Variants in RNF212B observed in about 807,000 individuals in gnomAD.
RNF212B encodes the protein E3 ubiquitin-protein ligase RNF212B.
Under a neutral mutation model 55.5 loss-of-function variants are expected in RNF212B, and 52 were observed. The observed-to-expected ratio is 0.94, with a 90% CI of 0.75 to 1.18. The LOEUF is 1.18. Ranked by LOEUF, RNF212B falls within the 50% of genes most tolerant of loss-of-function variation. RNF212B has a pLI of 0.00. For synonymous variants in RNF212B, 99 were observed against 121.4 expected (o/e 0.82, Z 1.21); for missense variants, 289 against 350.4 (o/e 0.82, Z 1.40).
chr14:23,253,528 G>A (rs928513221), intron 4 of RNF212B, among the ~76,000 whole-genome samples: 2 of 151,998 alleles, frequency 1.3e-5, no homozygotes, highest in African/African-American at 4.8e-5. Context: ...ATTGGTTTGG[G>A]GGCGGGGAAA....
intron 2 of RNF212B, among the ~76,000 whole-genome samples, chr14:23,210,548 C>A (rs1309615685): frequency 6.6e-6 from 1 of 151,816 alleles, no homozygotes; most frequent in African/African-American, 2.4e-5. Flanking sequence ...GAGGCTGAGG[C>A]GGGTGGATCA....
upstream of RNF212B, among the ~76,000 whole-genome samples, chr14:23,236,297 T>C (rs1883084665): frequency 6.6e-6 from 1 of 152,170 alleles, no homozygotes; most frequent in African/African-American, 2.4e-5. Context: ...AGGTGGATCA[T>C]GATGTCAGGA....
chr14:23,240,318 C>G, intron 1 of RNF212B, 27 bp from the exon 2 acceptor site: 1 of 1,431,126 alleles, frequency 7.0e-7, no homozygotes, highest in Non-Finnish European at 9.6e-7. Context: ...CTAGGTTATT[C>G]TTACTCTTTC....
chr14:23,191,052 C>T (rs1594853445), intron 1 of RNF212B, among the ~76,000 whole-genome samples: 1 of 152,260 alleles, frequency 6.6e-6, no homozygotes, highest in East Asian at 1.9e-4. Context: ...CTCTGACCAC[C>T]CAATAGAAAG....
At chr14:23,263,007 A>G in intron 9 of RNF212B, 37 bp downstream of exon 9, 1 of 1,529,030 alleles carries the variant, frequency 6.5e-7, no homozygotes, top group East Asian at 2.5e-5. Context: ...TGTTGGCAAA[A>G]GTTGGAAGAT....
In RNF212B at chr14:23,262,925, C is replaced by CAA; in HGVS notation, c.482-2_482-1insAA. 4 of 1,550,472 alleles carry CAA rather than the reference C, an allele frequency of 2.6e-6. No homozygotes were observed. Among genetic ancestry groups the CAA allele is most frequent in the Non-Finnish European group, 3.5e-6 (4 of 1,146,910 alleles). On this transcript the variant is annotated splice_polypyrimidine_tract_variant and splice_region_variant and intron_variant, in intron 8 of 14. Transcript: ENST00000430154. ...TTTTATTCTGTACTTTATTCTCTTT[C>CAA]AGTTACCCCACGACCCAGTTTCCAG... is the stretch of plus-strand genomic sequence containing the variant.
intron 2 of RNF212B, chr14:23,193,445 G>A (rs891551640): frequency 6.6e-6 from 1 of 152,156 alleles, no homozygotes; most frequent in Non-Finnish European, 1.5e-5. Context: ...TAGGATAAGA[G>A]GGTGAATTAG....
At chr14:23,270,549 C>T (rs374478156) in intron 13 of RNF212B, 51 bp from the exon 14 acceptor site, 119 of 1,359,700 alleles carry the variant, frequency 8.8e-5, no homozygotes, top group Middle Eastern at 1.8e-4. Flanking sequence ...GTAACACTGC[C>T]GAGAAACTGC....
At chr14:23,221,799 A>C (rs914765899) in intron 2 of RNF212B, among the ~76,000 whole-genome samples, 2 of 152,232 alleles carry the variant, frequency 1.3e-5, no homozygotes, top group Admixed American at 1.3e-4. Flanking sequence ...TTCTCTGACC[A>C]CAGTGGAATA....
chr14:23,229,191 C>T (rs1253401178), intron 2 of RNF212B, among the ~76,000 whole-genome samples: 2 of 128,328 alleles, frequency 1.6e-5, no homozygotes, highest in African/African-American at 5.7e-5. Flanking sequence ...TGTATCAAAA[C>T]TTTATTTCCT....
Position 23,216,744 on chromosome 14 carries a change from G to A in RNF212B, c.-2+23343G>A, listed in dbSNP as rs977907349. Among the ~76,000 whole-genome samples, 7 of 151,818 alleles carry A rather than the reference G, an allele frequency of 4.6e-5. No individual in the cohort carries two copies. The South Asian group carries it at 1.2e-3, about 27-fold the overall frequency. ...AAAATCCAAAACTTAGCTGGATGTG[G>A]TGGCATGCATCTGTGGTCTCAGCTA... On this transcript the variant is annotated intron_variant, in intron 2 of 15. Transcript: ENST00000399910.
Position 23,244,411 on chromosome 14 carries a change from A to T in RNF212B, c.228+15A>T. 1 of 1,472,472 alleles carries T rather than the reference A, an allele frequency of 6.8e-7. No homozygotes were observed. Among genetic ancestry groups the T allele is most frequent in the African/African-American group, 1.4e-5 (1 of 70,986 alleles). 91.2% of individuals were successfully genotyped at this position (1,472,472 alleles called of 1,614,324 possible). A position where few individuals can be genotyped will look rare whatever the true frequency, so the allele number is the denominator to read the frequency against. On this transcript the variant is annotated intron_variant, in intron 4 of 14. Coordinates refer to ENST00000430154, the MANE Select transcript of RNF212B (RefSeq NM_001282322.3). The stretch of plus-strand genomic sequence containing the variant: ...ACATCTCTCAGGTATGAGAAACAAA[A>T]GTGAAGAAAATCTGACTCTCCAGGC...
chr14:23,208,972 A>C (rs573270972), intron 2 of RNF212B, among the ~76,000 whole-genome samples: 6 of 151,402 alleles, frequency 4.0e-5, no homozygotes, highest in East Asian at 1.9e-4. Flanking sequence ...GTTAGCCGGG[A>C]TGGTCTCGAT....
upstream of RNF212B, among the ~76,000 whole-genome samples, chr14:23,236,387 C>A (rs1047762366): frequency 6.6e-6 from 1 of 151,956 alleles, no homozygotes; most frequent in African/African-American, 2.4e-5. Flanking sequence ...TAATGGCAGG[C>A]GCCTGTAATC....
Position 23,223,723 on chromosome 14 carries a change from C to A in RNF212B, c.-1-16622C>A, listed in dbSNP as rs567685192. Among the ~76,000 whole-genome samples, 18 of 152,204 alleles carry A rather than the reference C, an allele frequency of 1.2e-4. 1 individual carries two copies. The highest frequency in any genetic ancestry group is 7.9e-4 in the Admixed American group (12 of 15,278). On this transcript the variant is annotated intron_variant, in intron 2 of 15. Coordinates refer to the RNF212B transcript ENST00000399910. ...TTCACCACTGTTATTCAACATAGGA[C>A]TGGAAGTCTTAGCTAGAGTAATCAG...
At chr14:23,254,595 C>T (rs756585604) in intron 4 of RNF212B, among the ~76,000 whole-genome samples, 25 of 152,156 alleles carry the variant, frequency 1.6e-4, no homozygotes, top group Non-Finnish European at 3.2e-4. Flanking sequence ...CATTTTGCCA[C>T]GTTGCCCAGG....
At chr14:23,202,788 T>C (rs1401965388) in intron 2 of RNF212B, among the ~76,000 whole-genome samples, 1 of 150,756 alleles carries the variant, frequency 6.6e-6, no homozygotes, top group Non-Finnish European at 1.5e-5. Flanking sequence ...GAGGTGGAGG[T>C]TGCAGTGAGC....
chr14:23,264,064 G>A, intron 9 of RNF212B, 110 bp from the exon 10 acceptor site: 2 of 784,858 alleles, frequency 2.5e-6, no homozygotes, highest in Middle Eastern at 2.7e-4. Context: ...CTCTAGCCTG[G>A]GCAACAGAGT....
chr14:23,270,501 T>C (rs1430065336), intron 13 of RNF212B, 99 bp from the exon 14 acceptor site: 1 of 776,438 alleles, frequency 1.3e-6, no homozygotes, highest in East Asian at 2.7e-5. Flanking sequence ...TTCTGAGTAG[T>C]GTTCCTTTAA....
Sources: gnomAD v4.1 joint callset for allele counts (sites outside exome capture counted in the v4.1 genomes callset) on GRCh38, gnomAD v4.1.1 for gene constraint, MANE v1.5 for transcripts, NCBI Gene and HGNC (gene_info 2026-07-23, HGNC 2026-07-21) for gene names.